Variants in CHST11 observed in about 807,000 individuals in gnomAD.
The protein encoded by CHST11 is C4S-1.
CHST11 carries 9 observed loss-of-function variants against 30.4 expected under a neutral mutation model. That is an observed-to-expected ratio of 0.30 (90% CI 0.18 to 0.52). The LOEUF (loss-of-function observed/expected upper bound fraction) is 0.52. Ranked by LOEUF, CHST11 falls within the 20% of genes least tolerant of loss-of-function variation. CHST11 has a pLI of 0.97. For synonymous variants in CHST11, 152 were observed against 187.8 expected (o/e 0.81, Z 1.56); for missense variants, 348 against 460.6 (o/e 0.76, Z 2.24).
At chr12:104,655,656 G>A (rs775661192) in intron 2 of CHST11, among the ~76,000 whole-genome samples, 29 of 152,158 alleles carry the variant, frequency 1.9e-4, no homozygotes, top group African/African-American at 7.0e-4. Flanking sequence ...ACAGTGTTAC[G>A]AGCAATGGGT....
chr12:104,649,427 T>A (rs1212817983), intron 2 of CHST11, among the ~76,000 whole-genome samples: 2 of 152,238 alleles, frequency 1.3e-5, no homozygotes, highest in Non-Finnish European at 2.9e-5. Context: ...CATGTTATTA[T>A]GAGTCTCTTT....
chr12:104,554,580 G>T (rs1419546061), intron 1 of CHST11, among the ~76,000 whole-genome samples: 3 of 152,188 alleles, frequency 2.0e-5, no homozygotes, highest in African/African-American at 7.2e-5. Flanking sequence ...TTCACCCTGG[G>T]TACCAGGGAA....
intron 2 of CHST11, among the ~76,000 whole-genome samples, chr12:104,720,356 T>G (rs912539461): frequency 7.9e-5 from 12 of 152,228 alleles, no homozygotes; most frequent in Non-Finnish European, 1.6e-4. Flanking sequence ...AGCCTCACGA[T>G]CGTGAGAGGC....
At chr12:104,579,388 G>A (rs1357071146) in intron 1 of CHST11, among the ~76,000 whole-genome samples, 2 of 152,170 alleles carry the variant, frequency 1.3e-5, no homozygotes, top group African/African-American at 4.8e-5. Flanking sequence ...CATTTTTGTT[G>A]CATCAATAGA....
chr12:104,740,649 G>A (rs1471351619), intron 2 of CHST11, among the ~76,000 whole-genome samples: 1 of 152,174 alleles, frequency 6.6e-6, no homozygotes, highest in African/African-American at 2.4e-5. Context: ...GGGTTCTAAG[G>A]ACTCTGAGAT....
At chr12:104,483,886 G>C (rs1351548564) in intron 1 of CHST11, among the ~76,000 whole-genome samples, 1 of 152,168 alleles carries the variant, frequency 6.6e-6, no homozygotes, top group Non-Finnish European at 1.5e-5. Flanking sequence ...GAGGAGGCTG[G>C]AGGCAAAGGT....
At chr12:104,483,115 C>G (rs1043954851) in intron 1 of CHST11, among the ~76,000 whole-genome samples, 1 of 152,226 alleles carries the variant, frequency 6.6e-6, no homozygotes, top group African/African-American at 2.4e-5. Flanking sequence ...TGCATCTTCA[C>G]ATGCTCACCC....
chr12:104,672,138 A>T (rs2039702990), intron 2 of CHST11, among the ~76,000 whole-genome samples: 4 of 152,160 alleles, frequency 2.6e-5, no homozygotes, highest in Admixed American at 6.5e-5. Context: ...ATCCCTGACA[A>T]TGAAAATGCC....
chr12:104,531,523 A>T (rs1465586364), intron 1 of CHST11, among the ~76,000 whole-genome samples: 5 of 151,462 alleles, frequency 3.3e-5, no homozygotes, highest in African/African-American at 1.2e-4. Context: ...GATACAAAGG[A>T]TGGGAAAATC....
At chr12:104,589,235 T>TA (rs558795617) in intron 1 of CHST11, among the ~76,000 whole-genome samples, 2 of 151,346 alleles carry the variant, frequency 1.3e-5, no homozygotes, top group African/African-American at 4.9e-5. Flanking sequence ...CCCATCTCTA[T>TA]AAAAAAAATT....
intron 1 of CHST11, among the ~76,000 whole-genome samples, chr12:104,521,126 T>C: frequency 6.6e-6 from 1 of 152,242 alleles, no homozygotes; most frequent in East Asian, 1.9e-4. Context: ...TATTTGTAGA[T>C]GAATGACTTG....
At chr12:104,545,554 T>C (rs12368888) in intron 1 of CHST11, among the ~76,000 whole-genome samples, 1 of 152,150 alleles carries the variant, frequency 6.6e-6, no homozygotes, top group Non-Finnish European at 1.5e-5. Context: ...CAAATGATAT[T>C]GAGCTACTTA....
intron 1 of CHST11, among the ~76,000 whole-genome samples, chr12:104,495,993 A>G (rs1297546733): frequency 6.6e-6 from 1 of 152,264 alleles, no homozygotes; most frequent in African/African-American, 2.4e-5. Flanking sequence ...TGCCTCAGTC[A>G]TCACTGATGC....
intron 1 of CHST11, among the ~76,000 whole-genome samples, chr12:104,525,161 C>T (rs537911393): frequency 4.1e-5 from 6 of 147,220 alleles, no homozygotes; most frequent in African/African-American, 1.3e-4. Flanking sequence ...AATGCAGTAT[C>T]ATGATCATAG....
chr12:104,630,213 C>G (rs1479723457), intron 2 of CHST11, among the ~76,000 whole-genome samples: 1 of 152,176 alleles, frequency 6.6e-6, no homozygotes, highest in Non-Finnish European at 1.5e-5. Flanking sequence ...GGGTATTGTA[C>G]AGGACATGTA....
intron 2 of CHST11, among the ~76,000 whole-genome samples, chr12:104,649,243 A>G (rs1479356293): frequency 6.6e-6 from 1 of 152,144 alleles, no homozygotes; most frequent in African/African-American, 2.4e-5. Context: ...ATCGGAACAG[A>G]GGTTACTGAC....
chr12:104,651,097 C>T (rs1477371685), intron 2 of CHST11, among the ~76,000 whole-genome samples: 1 of 152,232 alleles, frequency 6.6e-6, no homozygotes, highest in Non-Finnish European at 1.5e-5. Context: ...TTTCAAGACC[C>T]TCAGTCTGGT....
chr12:104,698,830 A>C (rs2039969721), intron 2 of CHST11, among the ~76,000 whole-genome samples: 2 of 152,260 alleles, frequency 1.3e-5, no homozygotes, highest in African/African-American at 4.8e-5. Flanking sequence ...TTATCTGTTT[A>C]CTAAAGCAAG....
At chr12:104,614,330 T>C (rs2039087374) in intron 2 of CHST11, among the ~76,000 whole-genome samples, 1 of 152,102 alleles carries the variant, frequency 6.6e-6, no homozygotes, top group African/African-American at 2.4e-5. Flanking sequence ...GGTGGGAGGA[T>C]GACAAGAGTT....
Sources: allele counts gnomAD v4.1 joint callset (sites outside exome capture counted in the v4.1 genomes callset), GRCh38; gene constraint gnomAD v4.1.1; transcripts MANE v1.5; gene names NCBI Gene and HGNC (gene_info 2026-07-23, HGNC 2026-07-21).